The following ST18 variants were observed in gnomAD, a reference collection of about 807,000 sequenced individuals.
ST18 encodes the protein suppression of tumorigenicity 18 protein.
Under a neutral mutation model 110.0 loss-of-function variants are expected in ST18, and 50 were observed. That is an observed-to-expected ratio of 0.45 (90% CI 0.36 to 0.58). The LOEUF (loss-of-function observed/expected upper bound fraction) is 0.58. Among genes scored for constraint, ST18 ranks in the 20% least tolerant of loss-of-function variants. The probability of loss-of-function intolerance (pLI) is 0.00; values close to 1 mark genes in which losing one functional copy is unlikely to be tolerated. For missense variants in ST18, 1,306 were observed against 1,280.1 expected (o/e 1.02, Z -0.31); for synonymous variants, 461 against 452.4 (o/e 1.02, Z -0.24).
chr8:52,260,795 T>C (rs1432298566), intron 2 of ST18, among the ~76,000 whole-genome samples: 2 of 152,218 alleles, frequency 1.3e-5, no homozygotes, highest in Non-Finnish European at 1.5e-5. Context: ...AAGTAAGGCT[T>C]ATAATGATTC....
chr8:52,203,236 G>A (rs964261314), intron 8 of ST18, among the ~76,000 whole-genome samples: 4 of 152,168 alleles, frequency 2.6e-5, no homozygotes, highest in African/African-American at 9.7e-5. Flanking sequence ...TATGCAAAAA[G>A]TTTCATTAGT....
chr8:52,363,646 T>C lies in ST18; in HGVS notation c.-465+45682A>G, dbSNP rs201532805. On this transcript the variant is annotated intron_variant, in intron 2 of 25. Transcript: ENST00000689386. ...TTCAACATATATTAAGCATGTTACA[T>C]GTGCTAGGCCTAAGCAAGATAAGGA... Among the ~76,000 whole-genome samples, 31 of 152,334 alleles carry C rather than the reference T, an allele frequency of 2.0e-4. No homozygotes were observed. The East Asian group carries it at 3.1e-3, about 15-fold the overall frequency.
At chr8:52,344,644 G>C (rs1388822257) in intron 2 of ST18, among the ~76,000 whole-genome samples, 1 of 152,094 alleles carries the variant, frequency 6.6e-6, no homozygotes, top group South Asian at 2.1e-4. Context: ...CAGGTGATCC[G>C]CCTGCCTCAG....
chr8:52,260,086 A>C (rs911869106), intron 2 of ST18, among the ~76,000 whole-genome samples: 1 of 152,242 alleles, frequency 6.6e-6, no homozygotes, highest in Non-Finnish European at 1.5e-5. Context: ...GATTCGCTCC[A>C]TCAGGAGAAT....
intron 2 of ST18, among the ~76,000 whole-genome samples, chr8:52,370,484 C>T (rs141908161): frequency 3.9e-5 from 6 of 152,228 alleles, no homozygotes; most frequent in Non-Finnish European, 7.4e-5. Flanking sequence ...AGCTACAACA[C>T]TGTTCTAGTC....
intron 2 of ST18, among the ~76,000 whole-genome samples, chr8:52,345,019 AG>A (rs1817069478): frequency 6.6e-6 from 1 of 152,224 alleles, no homozygotes; most frequent in South Asian, 2.1e-4. Flanking sequence ...TTGACTCCAA[AG>A]TTTATGTGCT....
chr8:52,214,653 C>A (rs1413891934), intron 6 of ST18, among the ~76,000 whole-genome samples: 1 of 152,188 alleles, frequency 6.6e-6, no homozygotes, highest in Non-Finnish European at 1.5e-5. Context: ...CATTTCCAGA[C>A]TCTTCCTGAT....
At chr8:52,332,633 A>T (rs758801008) in intron 2 of ST18, among the ~76,000 whole-genome samples, 16 of 147,416 alleles carry the variant, frequency 1.1e-4, no homozygotes, top group Admixed American at 2.1e-4. Context: ...TAGGGGGATC[A>T]CGAGGTCAGG....
chr8:52,205,010 T>C (rs888241367), intron 8 of ST18, among the ~76,000 whole-genome samples: 1 of 152,084 alleles, frequency 6.6e-6, no homozygotes, highest in Non-Finnish European at 1.5e-5. Context: ...TTTTCTAAAA[T>C]ACAGATATTA....
At chr8:52,281,083 T>C (rs546274385) in intron 2 of ST18, among the ~76,000 whole-genome samples, 44 of 152,204 alleles carry the variant, frequency 2.9e-4, no homozygotes, top group African/African-American at 9.9e-4. Flanking sequence ...TCTAAATAAC[T>C]CATAAAGCTC....
At chr8:52,214,384 C>T (rs550086153) in intron 6 of ST18, 127 bp from the exon 7 acceptor site, 23 of 917,224 alleles carry the variant, frequency 2.5e-5, no homozygotes, top group East Asian at 1.7e-4. Context: ...ACTCACAGCC[C>T]GGCTCTATAG....
intron 2 of ST18, among the ~76,000 whole-genome samples, chr8:52,289,550 G>T (rs930361000): frequency 3.9e-5 from 6 of 152,140 alleles, no homozygotes; most frequent in African/African-American, 1.4e-4. Context: ...GGGAAGTTTT[G>T]CCCATAATAC....
chr8:52,201,406 G>A (rs2077918598), intron 8 of ST18: 1 of 152,178 alleles, frequency 6.6e-6, no homozygotes, highest in Non-Finnish European at 1.5e-5. Context: ...CCTGAGCCTC[G>A]ACACTGGGGC....
At chr8:52,400,424 T>A (rs899595495) in intron 2 of ST18, among the ~76,000 whole-genome samples, 5 of 152,102 alleles carry the variant, frequency 3.3e-5, no homozygotes, top group African/African-American at 1.2e-4. Context: ...TGATAATAGT[T>A]ACTATTGATA....
chr8:52,203,231 A>C (rs868406965), intron 8 of ST18, among the ~76,000 whole-genome samples: 6 of 152,224 alleles, frequency 3.9e-5, no homozygotes, highest in Non-Finnish European at 4.4e-5. Flanking sequence ...TGCTATATGC[A>C]AAAAGTTTCA....
chr8:52,316,443 AC>A lies in ST18; in HGVS notation c.-464-86367del, dbSNP rs1564479037. On this transcript the variant is annotated intron_variant, in intron 2 of 25. Transcript: ENST00000689386. ...TAGCAAACTTTATAATTTTTGCAAA[AC>A]TTTTTATAATTTGTGTAGAATTTAC... Among the ~76,000 whole-genome samples the A allele has an allele frequency of 2.6e-5, 4 of 152,304 alleles. No individual in the cohort carries two copies. In the South Asian group the frequency reaches 8.3e-4, roughly 32 times the overall value.
chr8:52,372,228 A>G (rs1466216913), intron 2 of ST18, among the ~76,000 whole-genome samples: 1 of 152,210 alleles, frequency 6.6e-6, no homozygotes, highest in African/African-American at 2.4e-5. Context: ...ATTTTTTTAA[A>G]AGTAGTAAAA....
chr8:52,198,704 T>A (rs1207709580), intron 8 of ST18, among the ~76,000 whole-genome samples: 1 of 152,218 alleles, frequency 6.6e-6, no homozygotes, highest in Admixed American at 6.5e-5. Context: ...TATGTATATA[T>A]ATGTACACAC....
At chr8:52,285,593 AAC>A (rs758082162) in intron 2 of ST18, among the ~76,000 whole-genome samples, 33 of 152,206 alleles carry the variant, frequency 2.2e-4, no homozygotes, top group Non-Finnish European at 3.7e-4. Flanking sequence ...AATGACAAGA[AAC>A]ACACAAAGCT....
Sources: gnomAD v4.1 joint callset for allele counts (sites outside exome capture counted in the v4.1 genomes callset) on GRCh38, gnomAD v4.1.1 for gene constraint, MANE v1.5 for transcripts, NCBI Gene and HGNC (gene_info 2026-07-23, HGNC 2026-07-21) for gene names.